PTPRO: variants seen among roughly 807,000 people sequenced by gnomAD.
PTPRO encodes protein tyrosine phosphatase receptor type O, also known as receptor-type tyrosine-protein phosphatase O.
Under a neutral mutation model 145.2 loss-of-function variants are expected in PTPRO, and 62 were observed. The ratio of observed to expected loss-of-function variants is 0.43; its 90% CI spans 0.35 to 0.53. The LOEUF (loss-of-function observed/expected upper bound fraction) is 0.53, where lower values mean the gene tolerates loss of function less well. Ranked by LOEUF, PTPRO falls within the 20% of genes least tolerant of loss-of-function variation. PTPRO has a pLI of 0.01. For synonymous variants in PTPRO, 565 were observed against 514.7 expected (o/e 1.10, Z -1.32); for missense variants, 1,345 against 1,482.7 (o/e 0.91, Z 1.53).
intron 1 of PTPRO, among the ~76,000 whole-genome samples, chr12:15,347,281 C>T (rs1250757394): frequency 6.6e-6 from 1 of 152,172 alleles, no homozygotes; most frequent in Non-Finnish European, 1.5e-5. Flanking sequence ...CCCAGCCTCA[C>T]TCAAGTGTAG....
chr12:15,450,920 A>C (rs1023114661), intron 1 of PTPRO, among the ~76,000 whole-genome samples: 2 of 152,112 alleles, frequency 1.3e-5, no homozygotes, highest in Admixed American at 1.3e-4. Context: ...ATAAAACAAC[A>C]ATAAAGAAAA....
rs1941834990 is a variant in PTPRO, at chr12:15,484,032, A to ACAACGTCTAATTCATT, written c.134_135insCAACGTCTAATTCATT (p.Glu45AspfsTer4). 6.2e-7 allele frequency: 1 copy of ACAACGTCTAATTCATT among 1,613,582 alleles called. No homozygotes were observed. The highest frequency in any genetic ancestry group is 1.3e-5 in the African/African-American group (1 of 74,900). On this transcript the variant is annotated stop_gained and frameshift_variant, in exon 2 of 27. Transcript: ENST00000281171. LOFTEE classifies it high-confidence loss of function. Reference sequence around the variant, plus strand: ...GATAATAACATCGTTGTCTCATTAGAAGCTTCAGACGTCATCAGTCCAGCA... The same window carrying ACAACGTCTAATTCATT: ...GATAATAACATCGTTGTCTCATTAGACAACGTCTAATTCATTAGCTTCAGACGTCATCAGTCCAGCA...
chr12:15,394,730 T>G (rs146423313), intron 1 of PTPRO, among the ~76,000 whole-genome samples: 1 of 152,204 alleles, frequency 6.6e-6, no homozygotes, highest in Admixed American at 6.5e-5. Flanking sequence ...TTTCCAAATA[T>G]AATGGCTGCT....
intron 1 of PTPRO, among the ~76,000 whole-genome samples, chr12:15,468,432 G>T (rs1259189164): frequency 6.6e-6 from 1 of 152,010 alleles, no homozygotes; most frequent in Non-Finnish European, 1.5e-5. Flanking sequence ...TGTTATTTTG[G>T]TTTCTCATCC....
Position 15,323,764 on chromosome 12 carries a change from T to C in PTPRO, c.75+963T>C, listed in dbSNP as rs547716201. ...TTCAGGACCACAGTGATACCTTCCC[T>C]AGAAATGGATGCCAGGTTAATGGAT... On this transcript the variant is annotated intron_variant, in intron 1 of 26. Transcript: ENST00000281171. Among the ~76,000 whole-genome samples, 7 of 152,338 alleles carry C rather than the reference T, an allele frequency of 4.6e-5. No homozygotes were observed. The South Asian group carries it at 1.4e-3, about 32-fold the overall frequency.
chr12:15,338,283 T>G (rs1211403887), intron 1 of PTPRO, among the ~76,000 whole-genome samples: 1 of 152,176 alleles, frequency 6.6e-6, no homozygotes, highest in African/African-American at 2.4e-5. Context: ...CTTTGTTTTG[T>G]TTTTTGTATG....
intron 18 of PTPRO, among the ~76,000 whole-genome samples, chr12:15,569,030 G>A (rs1943974669): frequency 6.6e-6 from 1 of 152,276 alleles, no homozygotes; most frequent in Non-Finnish European, 1.5e-5. Context: ...GGATAACACA[G>A]TCAATAAAGC....
At chr12:15,387,089 T>G (rs1056872170) in intron 1 of PTPRO, among the ~76,000 whole-genome samples, 1 of 152,152 alleles carries the variant, frequency 6.6e-6, no homozygotes, top group Admixed American at 6.5e-5. Context: ...GTTTCAGAAT[T>G]AAAATAACAT....
At chr12:15,531,144 A>G (rs1200669690) in intron 12 of PTPRO, among the ~76,000 whole-genome samples, 1 of 152,142 alleles carries the variant, frequency 6.6e-6, no homozygotes, top group Non-Finnish European at 1.5e-5. Flanking sequence ...GAACACACCT[A>G]ATGAGACTGA....
At chr12:15,584,126 C>G (rs1944382206) in intron 23 of PTPRO, among the ~76,000 whole-genome samples, 1 of 152,300 alleles carries the variant, frequency 6.6e-6, no homozygotes, top group East Asian at 1.9e-4. Flanking sequence ...TAGATAGTTA[C>G]AATTCTCGCT....
chr12:15,436,607 G>A (rs559433957), intron 1 of PTPRO, among the ~76,000 whole-genome samples: 1 of 152,278 alleles, frequency 6.6e-6, no homozygotes, highest in South Asian at 2.1e-4. Flanking sequence ...GGAGAGTCTT[G>A]GAGAAACTGT....
intron 1 of PTPRO, among the ~76,000 whole-genome samples, chr12:15,324,772 C>A (rs893179036): frequency 1.3e-5 from 2 of 151,922 alleles, no homozygotes; most frequent in African/African-American, 4.8e-5. Flanking sequence ...ATTTTACATA[C>A]GTTATTTCAT....
chr12:15,565,430 A>G (rs943694073), intron 17 of PTPRO, 163 bp from the exon 18 acceptor site: 2 of 525,428 alleles, frequency 3.8e-6, no homozygotes, highest in Admixed American at 3.3e-5. Context: ...AATTATTATT[A>G]TCTTCTCATG....
At chr12:15,478,535 G>A (rs762017730) in intron 1 of PTPRO, among the ~76,000 whole-genome samples, 58 of 152,214 alleles carry the variant, frequency 3.8e-4, no homozygotes, top group Non-Finnish European at 7.4e-4. Context: ...AAACCTTTGC[G>A]CATGTGTGTT....
chr12:15,389,183 A>C (rs1939118653), intron 1 of PTPRO, among the ~76,000 whole-genome samples: 1 of 150,208 alleles, frequency 6.7e-6, no homozygotes, highest in African/African-American at 2.5e-5. Context: ...GGCTCACTGC[A>C]AGCTCTGCCT....
At chr12:15,505,808 G>T (rs185109129) in intron 6 of PTPRO, among the ~76,000 whole-genome samples, 1 of 152,262 alleles carries the variant, frequency 6.6e-6, no homozygotes, top group East Asian at 1.9e-4. Flanking sequence ...ACATATTCTG[G>T]TGTTGAGCTG....
chr12:15,536,725 C>T (rs531820295), intron 12 of PTPRO, among the ~76,000 whole-genome samples: 22 of 152,154 alleles, frequency 1.4e-4, no homozygotes, highest in Non-Finnish European at 2.9e-4. Flanking sequence ...TCCCTGTTGC[C>T]TTAGACAATA....
rs1286215706 is a variant in PTPRO at position 15,355,694 on chromosome 12, T to G, written c.75+32893T>G. 2.0e-5 allele frequency among the ~76,000 whole-genome samples: 3 copies of G among 152,262 alleles called. No homozygotes were observed. The East Asian group carries it at 5.8e-4, about 29-fold the overall frequency. On this transcript the variant is annotated intron_variant, in intron 1 of 26. Transcript: ENST00000281171. ...TTAATCAAACCATTTTAATGTGATA[T>G]TCCTGTGTCTTCATTAAGTTTCCAG...
intron 1 of PTPRO, among the ~76,000 whole-genome samples, chr12:15,453,318 C>CA (rs1014295051): frequency 3.3e-5 from 5 of 150,884 alleles, no homozygotes; most frequent in South Asian, 2.1e-4. Context: ...GATTCAGTCT[C>CA]AAAAAAAAGA....
Sources: allele counts gnomAD v4.1 joint callset (sites outside exome capture counted in the v4.1 genomes callset), GRCh38; gene constraint gnomAD v4.1.1; transcripts MANE v1.5; gene names NCBI Gene and HGNC (gene_info 2026-07-23, HGNC 2026-07-21).